TDRD10: variants seen among roughly 807,000 people sequenced by gnomAD.
TDRD10 encodes the protein tudor domain containing 10, also known as tudor domain-containing protein 10.
A neutral mutation model predicts 48.0 loss-of-function variants in TDRD10; 40 were observed. That is an observed-to-expected ratio of 0.83 (90% CI 0.65 to 1.09). TDRD10 has a LOEUF of 1.09. Among genes scored for constraint, TDRD10 ranks in the 50% least tolerant of loss-of-function variants. The pLI is 0.00. For synonymous variants in TDRD10, 162 were observed against 170.4 expected (o/e 0.95, Z 0.38); for missense variants, 378 against 434.7 (o/e 0.87, Z 1.16).
In TDRD10 at chr1:154,547,782, A is replaced by AC. The variant is rs1361443908; in HGVS notation, c.*76dup. 3 of 1,580,050 alleles carry AC rather than the reference A, an allele frequency of 1.9e-6. No homozygotes were observed. The African/African-American group carries it at 4.1e-5, about 21-fold the overall frequency. On this transcript the variant is annotated 3_prime_UTR_variant, in exon 13 of 13. Coordinates refer to ENST00000368482, the MANE Select transcript of TDRD10 (RefSeq NM_182499.4). ...GAGGCCACCTGCCCTGTCTTCTCGT[A>AC]CCCCTTTCACTCTTGAGGCCTGGGA... is the stretch of plus-strand genomic sequence containing the variant.
intron 4 of TDRD10, among the ~76,000 whole-genome samples, chr1:154,509,506 C>T (rs1693328171): frequency 6.6e-6 from 1 of 152,158 alleles, no homozygotes; most frequent in Admixed American, 6.5e-5. Flanking sequence ...CAGCTAAGTA[C>T]ACAGACCTAG....
intron 4 of TDRD10, among the ~76,000 whole-genome samples, chr1:154,517,846 G>A (rs1015025683): frequency 2.6e-5 from 4 of 152,192 alleles, no homozygotes; most frequent in African/African-American, 9.7e-5. Context: ...TGTGCGAGGT[G>A]CGAGTGCCTC....
chr1:154,510,889 A>G (rs2149314963), intron 4 of TDRD10, among the ~76,000 whole-genome samples: 1 of 151,460 alleles, frequency 6.6e-6, no homozygotes, highest in Non-Finnish European at 1.5e-5. Flanking sequence ...TACTAAAAAT[A>G]CAAAAAATTA....
At chr1:154,538,046 G>T (rs1338161424) in intron 6 of TDRD10, among the ~76,000 whole-genome samples, 1 of 152,162 alleles carries the variant, frequency 6.6e-6, no homozygotes, top group African/African-American at 2.4e-5. Context: ...TAGGTGATGT[G>T]CCTGCTGTGG....
intron 6 of TDRD10, among the ~76,000 whole-genome samples, chr1:154,524,565 CA>C (rs1260940536): frequency 1.3e-5 from 2 of 152,166 alleles, no homozygotes; most frequent in Non-Finnish European, 2.9e-5. Flanking sequence ...ATTTTTCTAG[CA>C]AAGATTAAAT....
chr1:154,521,327 G>T lies in TDRD10; in HGVS notation c.217G>T (p.Ala73Ser). 6.2e-7 allele frequency: 1 copy of T among 1,613,988 alleles called. No individual in the cohort carries two copies. The highest frequency in any genetic ancestry group is 8.5e-7 in the Non-Finnish European group (1 of 1,179,984). The change falls in exon 6 of 13, where the codon GCA becomes TCA. Residue 73 changes from alanine (A) to serine (S), a missense_variant. Physicochemically the swap from Ala to Ser is moderately conservative, Grantham distance 99 (BLOSUM62 1). Coordinates refer to ENST00000368482, the MANE Select transcript of TDRD10 (RefSeq NM_182499.4). ...CTCTCTCTCTTCCCTTTTCAGCTTTGCATTTGTAGATCTGGGCTCCATGCA... is the reference window on the plus strand; with the variant it reads ...CTCTCTCTCTTCCCTTTTCAGCTTTTCATTTGTAGATCTGGGCTCCATGCA... ...HKIQNGCKCF[A>S]FVDLGSMQKV... is the part of the protein sequence containing the mutation.
intron 4 of TDRD10, among the ~76,000 whole-genome samples, chr1:154,513,996 C>A (rs1693618720): frequency 6.6e-6 from 1 of 152,110 alleles, no homozygotes. Flanking sequence ...TTGAGACCAC[C>A]CTGGCCAGTG....
intron 1 of TDRD10, among the ~76,000 whole-genome samples, chr1:154,504,239 T>C (rs1043546724): frequency 5.9e-5 from 9 of 152,270 alleles, no homozygotes; most frequent in African/African-American, 2.2e-4. Flanking sequence ...TATTCTATTG[T>C]ATTGCTATAC....
intron 4 of TDRD10, among the ~76,000 whole-genome samples, chr1:154,517,243 T>A (rs1004813176): frequency 6.6e-6 from 1 of 152,200 alleles, no homozygotes; most frequent in African/African-American, 2.4e-5. Context: ...TCCCTTACCT[T>A]CTGTCTGCAT....
At chr1:154,547,332 G>GCCTTTTGCTTCCCT (rs2149359184) in intron 11 of TDRD10, 77 bp from the exon 12 acceptor site, 1 of 1,532,632 alleles carries the variant, frequency 6.5e-7, no homozygotes, top group African/African-American at 1.4e-5. Context: ...TGCAGCCCCC[G>GCCTTTTGCTTCCCT]CCTTTTGCTT....
intron 4 of TDRD10, among the ~76,000 whole-genome samples, chr1:154,514,570 A>G (rs1232022095): frequency 6.6e-6 from 1 of 152,152 alleles, no homozygotes; most frequent in Non-Finnish European, 1.5e-5. Flanking sequence ...TTTTATAACA[A>G]AAAGTTACCT....
intron 6 of TDRD10, among the ~76,000 whole-genome samples, chr1:154,535,369 GAA>G (rs112520948): frequency 4.5e-5 from 6 of 132,894 alleles, no homozygotes; most frequent in Admixed American, 7.6e-5. Flanking sequence ...TCCATCTCAA[GAA>G]AAAAAAAAAA....
In TDRD10 at chr1:154,544,064, G is replaced by GT; in HGVS notation, c.606dup (p.Ile203TyrfsTer15). The GT allele has an allele frequency of 6.2e-7, 1 of 1,614,168 alleles. No homozygotes were observed. Among genetic ancestry groups the GT allele is most frequent in the Non-Finnish European group, 8.5e-7 (1 of 1,180,032 alleles). ...GGGGAGGCGGGGCTGCTGGTGACGAGTATCGTCCCGAAGACCCCGTTTTTC... is the reference window on the plus strand; with the variant it reads ...GGGGAGGCGGGGCTGCTGGTGACGAGTTATCGTCCCGAAGACCCCGTTTTTC... On this transcript the variant is annotated frameshift_variant, in exon 9 of 13. Coordinates refer to ENST00000368482, the MANE Select transcript of TDRD10 (RefSeq NM_182499.4). LOFTEE classifies it high-confidence loss of function.
intron 9 of TDRD10, 54 bp from the exon 10 acceptor site, chr1:154,544,318 G>C: frequency 6.4e-7 from 1 of 1,551,652 alleles, no homozygotes; most frequent in Non-Finnish European, 8.7e-7. Flanking sequence ...GTCTACGGAG[G>C]CAGATTTGTA....
At chr1:154,520,222 A>C in intron 4 of TDRD10, 82 bp from the exon 5 acceptor site, 1 of 956,578 alleles carries the variant, frequency 1.0e-6, no homozygotes, top group South Asian at 1.3e-5. Context: ...AGTCCAGACT[A>C]GCTGGCTGGG....
chr1:154,518,331 A>G (rs1165317391), intron 4 of TDRD10, among the ~76,000 whole-genome samples: 1 of 152,242 alleles, frequency 6.6e-6, no homozygotes, highest in Non-Finnish European at 1.5e-5. Flanking sequence ...TTTGTAATTT[A>G]AAAAATCCTA....
At chr1:154,514,907 G>T (rs1478985203) in intron 4 of TDRD10, among the ~76,000 whole-genome samples, 1 of 150,802 alleles carries the variant, frequency 6.6e-6, no homozygotes, top group African/African-American at 2.4e-5. Context: ...TTACTCTGTT[G>T]TCCAGGCTAG....
chr1:154,532,970 A>AC lies in TDRD10; in HGVS notation c.370-9046dup, dbSNP rs148569584. Among the ~76,000 whole-genome samples, 115 of 150,928 alleles carry AC rather than the reference A, an allele frequency of 7.6e-4. 1 individual carries two copies. The highest frequency in any genetic ancestry group is 6.6e-3 in the East Asian group (34 of 5,138). On this transcript the variant is annotated intron_variant, in intron 6 of 12. Coordinates refer to ENST00000368482, the MANE Select transcript of TDRD10 (RefSeq NM_182499.4). ...CTTGACTCTCCACTACACTTCTGAC[A>AC]CCCCCCCCAGTAGGGAGAGAGAGGG...
chr1:154,520,173 C>T, intron 4 of TDRD10, 131 bp from the exon 5 acceptor site: 1 of 658,666 alleles, frequency 1.5e-6, no homozygotes, highest in Non-Finnish European at 2.7e-6. Flanking sequence ...ATGGCACGTA[C>T]AGCACATAAT....
Sources: allele counts gnomAD v4.1 joint callset (sites outside exome capture counted in the v4.1 genomes callset), GRCh38; gene constraint gnomAD v4.1.1; transcripts MANE v1.5; gene names NCBI Gene and HGNC (gene_info 2026-07-23, HGNC 2026-07-21).